MECOM: variants seen among roughly 807,000 people sequenced by gnomAD.
MECOM encodes the protein MDS1 and EVI1 complex locus, also known as histone-lysine N-methyltransferase MECOM.
Under a neutral mutation model 116.3 loss-of-function variants are expected in MECOM, and 13 were observed. The observed-to-expected ratio is 0.11, with a 90% CI of 0.07 to 0.18. The LOEUF is 0.18. Among genes scored for constraint, MECOM ranks in the 10% least tolerant of loss-of-function variants. The probability of loss-of-function intolerance (pLI) is 1.00; values close to 1 mark genes in which losing one functional copy is unlikely to be tolerated. For synonymous variants in MECOM, 528 were observed against 535.2 expected, an observed-to-expected ratio of 0.99 and a Z score of 0.19; for missense variants, 1,299 against 1,509.0, an observed-to-expected ratio of 0.86 and a Z score of 2.31.
intron 2 of MECOM, among the ~76,000 whole-genome samples, chr3:169,220,705 C>T (rs1452077977): frequency 6.6e-6 from 1 of 152,138 alleles, no homozygotes. Context: ...AAACTCCTGA[C>T]ATCAGGTGAT....
chr3:169,457,920 GA>G (rs1365722563), intron 1 of MECOM, among the ~76,000 whole-genome samples: 1 of 152,200 alleles, frequency 6.6e-6, no homozygotes, highest in Non-Finnish European at 1.5e-5. Flanking sequence ...TAAGCACGAG[GA>G]AAGAAAATAG....
At chr3:169,277,800 A>G (rs1759792368) in intron 2 of MECOM, among the ~76,000 whole-genome samples, 1 of 152,196 alleles carries the variant, frequency 6.6e-6, no homozygotes, top group Non-Finnish European at 1.5e-5. Flanking sequence ...TCTAACTATT[A>G]AATATGACTG....
In MECOM at chr3:169,128,981, G is replaced by A. The variant is rs777877312; in HGVS notation, c.614-921C>T. On this transcript the variant is annotated intron_variant, in intron 4 of 16. Coordinates refer to ENST00000651503, the MANE Select transcript of MECOM (RefSeq NM_004991.4). ...GCTCACACTGCTAAAAAATACCCAC[G>A]GCAAACAATATGACACATAATCCCT... 6.6e-5 allele frequency among the ~76,000 whole-genome samples: 10 copies of A among 152,052 alleles called. No homozygotes were observed. The South Asian group carries it at 1.5e-3, about 22-fold the overall frequency.
intron 1 of MECOM, among the ~76,000 whole-genome samples, chr3:169,391,691 A>C (rs1227360581): frequency 6.6e-6 from 1 of 151,390 alleles, no homozygotes; most frequent in African/African-American, 2.5e-5. Context: ...ATAATTTGAG[A>C]GGGGGTAATT....
intron 1 of MECOM, among the ~76,000 whole-genome samples, chr3:169,503,575 T>C (rs1447559451): frequency 6.6e-6 from 1 of 152,212 alleles, no homozygotes; most frequent in Non-Finnish European, 1.5e-5. Flanking sequence ...CCCTTAGACT[T>C]CTGTGTCCTC....
intron 1 of MECOM, among the ~76,000 whole-genome samples, chr3:169,460,313 T>C (rs559934533): frequency 2.0e-5 from 3 of 152,300 alleles, no homozygotes; most frequent in African/African-American, 4.8e-5. Flanking sequence ...AGAATATTTT[T>C]TTTTCTTATG....
intron 2 of MECOM, among the ~76,000 whole-genome samples, chr3:169,172,044 A>G (rs1744489299): frequency 6.6e-6 from 1 of 152,210 alleles, no homozygotes; most frequent in East Asian, 1.9e-4. Flanking sequence ...ATACTGATGT[A>G]GAAAGAACTG....
At chr3:169,626,593 A>G (rs912696032) in intron 1 of MECOM, among the ~76,000 whole-genome samples, 5 of 152,062 alleles carry the variant, frequency 3.3e-5, no homozygotes, top group African/African-American at 1.2e-4. Flanking sequence ...CCAGGGCCTG[A>G]CCTCCACACC....
At chr3:169,463,208 A>AAACC (rs1483311754) in intron 1 of MECOM, among the ~76,000 whole-genome samples, 1 of 152,208 alleles carries the variant, frequency 6.6e-6, no homozygotes, top group African/African-American at 2.4e-5. Flanking sequence ...ATTAAAAAAG[A>AAACC]AACCACCCCA....
intron 1 of MECOM, among the ~76,000 whole-genome samples, chr3:169,610,123 C>A (rs927103314): frequency 6.6e-6 from 1 of 152,184 alleles, no homozygotes; most frequent in African/African-American, 2.4e-5. Context: ...TTGAGCTTAA[C>A]TACTCCACTT....
At chr3:169,628,828 C>A (rs907813205) in intron 1 of MECOM, among the ~76,000 whole-genome samples, 16 of 152,168 alleles carry the variant, frequency 1.1e-4, no homozygotes, top group African/African-American at 3.9e-4. Context: ...GCCCAGAGAC[C>A]AGGAAGCACA....
chr3:169,400,888 C>T (rs1037653635), intron 1 of MECOM, among the ~76,000 whole-genome samples: 1 of 152,156 alleles, frequency 6.6e-6, no homozygotes, highest in African/African-American at 2.4e-5. Flanking sequence ...GAGAAGCAAA[C>T]AAGGCTCATT....
intron 5 of MECOM, among the ~76,000 whole-genome samples, chr3:169,123,728 G>C (rs1386357554): frequency 6.6e-6 from 1 of 151,996 alleles, no homozygotes; most frequent in Non-Finnish European, 1.5e-5. Context: ...TGAACATCTT[G>C]TTATGACAAA....
intron 1 of MECOM, among the ~76,000 whole-genome samples, chr3:169,589,417 C>T (rs1766143895): frequency 1.3e-5 from 2 of 152,122 alleles, no homozygotes; most frequent in African/African-American, 4.8e-5. Flanking sequence ...CCCTACGCCT[C>T]TCTAGAGACC....
At chr3:169,448,162 AAAT>A (rs1744966997) in intron 1 of MECOM, among the ~76,000 whole-genome samples, 2 of 152,296 alleles carry the variant, frequency 1.3e-5, no homozygotes, top group East Asian at 3.9e-4. Context: ...GACATTCAAA[AAAT>A]ATTTTCATGT....
chr3:169,558,708 C>A (rs1359827875), intron 1 of MECOM, among the ~76,000 whole-genome samples: 2 of 152,128 alleles, frequency 1.3e-5, no homozygotes, highest in African/African-American at 4.8e-5. Context: ...ATAATTTTTT[C>A]AATTGTATAC....
chr3:169,618,650 C>T (rs929750244), intron 1 of MECOM, among the ~76,000 whole-genome samples: 1 of 152,026 alleles, frequency 6.6e-6, no homozygotes, highest in Non-Finnish European at 1.5e-5. Context: ...AGTGAGACTC[C>T]ATCTCAAAAA....
chr3:169,475,884 T>C (rs1191537066), intron 1 of MECOM, among the ~76,000 whole-genome samples: 1 of 152,206 alleles, frequency 6.6e-6, no homozygotes, highest in Non-Finnish European at 1.5e-5. Flanking sequence ...TTCTTGCTCA[T>C]GTTGGGTTTT....
chr3:169,609,099 G>T lies in MECOM; in HGVS notation c.37+54237C>A, dbSNP rs571459006. The stretch of plus-strand genomic sequence containing the variant: ...AGGAATCTCTGCAGACATTACAAAA[G>T]CCATATCTCTTCTGACTTTTACATC... On this transcript the variant is annotated intron_variant, in intron 1 of 16. Coordinates refer to ENST00000651503, the MANE Select transcript of MECOM (RefSeq NM_004991.4). Among the ~76,000 whole-genome samples the T allele has an allele frequency of 2.6e-5, 4 of 152,244 alleles. No individual in the cohort carries two copies. In the East Asian group the frequency reaches 5.8e-4, roughly 22 times the overall value.
Sources: allele counts gnomAD v4.1 joint callset (sites outside exome capture counted in the v4.1 genomes callset), GRCh38; gene constraint gnomAD v4.1.1; transcripts MANE v1.5; gene names NCBI Gene and HGNC (gene_info 2026-07-23, HGNC 2026-07-21).